The following DIDO1 variants were observed in gnomAD, a reference collection of about 807,000 sequenced individuals.
The protein encoded by DIDO1 is death-inducer obliterator 1.
In DIDO1, 16 loss-of-function variants were observed where a neutral mutation model predicts 99.4. The observed-to-expected ratio is 0.16, with a 90% confidence interval of 0.11 to 0.24. The LOEUF (loss-of-function observed/expected upper bound fraction) is 0.24. DIDO1 is among the 10% of genes least tolerant of loss of function. DIDO1 has a pLI of 1.00. For missense variants in DIDO1, 2,996 were observed against 3,014.0 expected (o/e 0.99, Z 0.14); for synonymous variants, 1,366 against 1,239.1 (o/e 1.10, Z -2.15).
intron 4 of DIDO1, among the ~76,000 whole-genome samples, chr20:62,908,600 C>CA (rs1334175233): frequency 6.6e-6 from 1 of 152,182 alleles, no homozygotes; most frequent in East Asian, 1.9e-4. Context: ...CCTTATTTCT[C>CA]AAATTAAATA....
upstream of DIDO1, among the ~76,000 whole-genome samples, chr20:62,926,872 G>A (rs1337997012): frequency 1.3e-5 from 2 of 152,246 alleles, no homozygotes; most frequent in South Asian, 2.1e-4. Context: ...GGTGGGGATA[G>A]AAAGCTCCTG....
At chr20:62,910,063 ACAAG>A (rs2064895640) in intron 3 of DIDO1, 43 bp from the exon 4 acceptor site, 12 of 1,574,998 alleles carry the variant, frequency 7.6e-6, no homozygotes, top group Admixed American at 1.7e-5. Context: ...GACGTGAGTG[ACAAG>A]CACTTTTCAA....
At chr20:62,900,875 G>A (rs1044441131) in intron 6 of DIDO1, among the ~76,000 whole-genome samples, 2 of 152,208 alleles carry the variant, frequency 1.3e-5, no homozygotes, top group Non-Finnish European at 2.9e-5. Context: ...AGACTCAACA[G>A]TCAGTGAAGG....
intron 6 of DIDO1, among the ~76,000 whole-genome samples, chr20:62,901,219 A>G (rs1246232641): frequency 6.6e-6 from 1 of 152,238 alleles, no homozygotes; most frequent in African/African-American, 2.4e-5. Context: ...ACGCCCTTGC[A>G]GGGTCCACAG....
intron 15 of DIDO1, chr20:62,890,089 G>A (rs572400965): frequency 2.0e-4 from 199 of 985,632 alleles, no homozygotes; most frequent in African/African-American, 1.0e-4. Context: ...AACACCCGCC[G>A]AGGCCTGGTG....
At chr20:62,915,652 C>G (rs1415287419) in intron 1 of DIDO1, among the ~76,000 whole-genome samples, 1 of 152,042 alleles carries the variant, frequency 6.6e-6, no homozygotes, top group Non-Finnish European at 1.5e-5. Flanking sequence ...CTATGCCCAG[C>G]TAATTTTTGA....
chr20:62,880,874 A>C lies in DIDO1; in HGVS notation c.5082T>G (p.Ala1694=). The change falls in exon 16 of 16, where the codon GCT becomes GCG. Residue 1694 remains alanine, a synonymous_variant. Transcript: ENST00000395343. ...TCPGFASQDK[A]LGSAQYEDPR... is the part of the protein sequence containing the mutation. Reference sequence around the variant, plus strand: ...GGTCCTCATACTGGGCTGAGCCGAGAGCCTTGTCCTGCGACGCGAACCCCG... The same window carrying C: ...GGTCCTCATACTGGGCTGAGCCGAGCGCCTTGTCCTGCGACGCGAACCCCG... The C allele has an allele frequency of 1.9e-6, 3 of 1,612,568 alleles. No individual in the cohort carries two copies. The South Asian group carries it at 3.3e-5, about 18-fold the overall frequency.
At chr20:62,901,844 ATTTTACAAC>A (rs2064690928) in intron 6 of DIDO1, among the ~76,000 whole-genome samples, 1 of 149,958 alleles carries the variant, frequency 6.7e-6, no homozygotes, top group East Asian at 2.0e-4. Flanking sequence ...ACCTAGTATT[ATTTTACAAC>A]TTTATACAAA....
At chr20:62,890,617 G>C (rs1474822320) in intron 15 of DIDO1, 1 of 1,173,922 alleles carries the variant, frequency 8.5e-7, no homozygotes, top group Non-Finnish European at 1.1e-6. Flanking sequence ...CTAGAGGAAA[G>C]AGCAGGGCCG....
chr20:62,909,875 G>A lies in DIDO1; in HGVS notation c.985C>T (p.His329Tyr). ...TCCTGCTGATCTGCCGTTTCTGAAT[G>A]AGTCTCATCCTGCACTTGCAGAATG... ...CTILQVQDET[H>Y]SETADQQEAK... The change falls in exon 4 of 16, where the codon CAT becomes TAT. Residue 329 changes from histidine (H) to tyrosine (Y), a missense_variant. Around this residue, in one of 5 missense-constraint regions of DIDO1, gnomAD observed 898 missense variants for 972.7 expected, o/e 0.92. Coordinates refer to ENST00000395343, the MANE Select transcript of DIDO1 (RefSeq NM_001193369.2). 6.2e-7 allele frequency: 1 copy of A among 1,614,166 alleles called. No homozygotes were observed. The highest frequency in any genetic ancestry group is 1.1e-5 in the South Asian group (1 of 91,076).
In DIDO1 at chr20:62,894,392, C is replaced by T; in HGVS notation, c.2572+21G>A. On this transcript the variant is annotated intron_variant, in intron 11 of 15. Coordinates refer to ENST00000395343, the MANE Select transcript of DIDO1 (RefSeq NM_001193369.2). This position sits in a 1 kb window ranked among gnomAD's most constrained non-coding sequence, Gnocchi z 4.4. ...AAGTTTAGTCTCAGCTCCAAGGCTCCATCCCCTGCACTGTGCTCACCTGTG... is the reference window on the plus strand; with the variant it reads ...AAGTTTAGTCTCAGCTCCAAGGCTCTATCCCCTGCACTGTGCTCACCTGTG... The T allele has an allele frequency of 6.2e-7, 1 of 1,607,264 alleles. No individual in the cohort carries two copies. The highest frequency in any genetic ancestry group is 8.5e-7 in the Non-Finnish European group (1 of 1,178,122).
rs1028961240 is a variant in DIDO1 at position 62,889,277 on chromosome 20, G to A, written c.3541+1683C>T. ...CCCTTGCTGTGGGGAGAATGGAGGC[G>A]CCGCTCCTCTGGTGGCCTCCCTGGG... is the stretch of plus-strand genomic sequence containing the variant. On this transcript the variant is annotated intron_variant, in intron 15 of 15. Transcript: ENST00000395343. 3.6e-5 allele frequency: 35 copies of A among 985,604 alleles called. No homozygotes were observed. The South Asian group carries it at 1.3e-3, about 36-fold the overall frequency. The allele number at this position is 985,604 out of a possible 1,614,324, so 61.1% of individuals were successfully genotyped here.
chr20:62,892,850 T>C lies in DIDO1; in HGVS notation c.3214A>G (p.Lys1072Glu). 2 of 1,614,098 alleles carry C rather than the reference T, an allele frequency of 1.2e-6. No individual in the cohort carries two copies. Among genetic ancestry groups the C allele is most frequent in the Non-Finnish European group, 1.7e-6 (2 of 1,180,004 alleles). ...NMQSVAKFVT[K>E]AYPVSGCFDY... ...AAACACCCAGAGACAGGATACGCCT[T>C]AGTGACAAATTTTGCCACACTCTGC... is the stretch of plus-strand genomic sequence containing the variant. The change falls in exon 13 of 16, where the codon AAG becomes GAG. Residue 1072 changes from lysine to glutamate, a missense_variant. Transcript: ENST00000395343.
chr20:62,889,968 T>C, intron 15 of DIDO1: 3 of 985,460 alleles, frequency 3.0e-6, no homozygotes, highest in East Asian at 1.1e-4. Flanking sequence ...GGGCTGTGCC[T>C]GGGGCGACAG....
Position 62,880,067 on chromosome 20 carries a change from C to G in DIDO1, c.5889G>C (p.Gln1963His), listed in dbSNP as rs2064172615. ...CCCTCTGGTCTTCGAACTGCTGAGG[C>G]TGAATGCCCCTGGGACCTGGCATAA... ...PNFMPGPRGI[Q>H]PQQFEDQRVH... The change falls in exon 16 of 16, where the codon CAG (glutamine) becomes CAC (histidine). Residue 1963 changes from glutamine (Q) to histidine (H), a missense_variant. Gln to His is a conservative substitution (Grantham distance 24). Coordinates refer to ENST00000395343, the MANE Select transcript of DIDO1 (RefSeq NM_001193369.2). 1.9e-6 allele frequency: 3 copies of G among 1,611,786 alleles called. No homozygotes were observed. In the South Asian group the frequency reaches 3.3e-5, roughly 18 times the overall value.
In DIDO1 at chr20:62,881,573, G is replaced by A. The variant is rs762672601; in HGVS notation, c.4383C>T (p.Ala1461=). ...GCGTCGCAGCCCCGGCCACCGGCTC[G>A]GCAGGCCTCTCCACGGAGTTCCTTC... is the stretch of plus-strand genomic sequence containing the variant. The part of the protein sequence containing the change: ...DVRRNSVERP[A]EPVAGAATPS... Residue 1461 remains alanine, a synonymous_variant, in exon 16 of 16, where the codon GCC becomes GCT. Transcript: ENST00000395343. This position sits in a 1 kb window ranked among gnomAD's most constrained non-coding sequence, Gnocchi z 8.3. The A allele has an allele frequency of 1.9e-6, 3 of 1,609,438 alleles. No homozygotes were observed. Among genetic ancestry groups the A allele is most frequent in the African/African-American group, 1.3e-5 (1 of 74,904 alleles).
intron 1 of DIDO1, among the ~76,000 whole-genome samples, chr20:62,923,668 TTTACATAA>T (rs2065198678): frequency 6.6e-6 from 1 of 152,228 alleles, no homozygotes; most frequent in Non-Finnish European, 1.5e-5. Flanking sequence ...ACTTTCTATT[TTTACATAA>T]TGTTTAAGTT....
rs142768525 is a variant in DIDO1 at position 62,893,696 on chromosome 20, T to C, written c.3071A>G (p.Tyr1024Cys). ...ATTTGGTGACGGAGGAACTGACAGG[T>C]ATCTTGGGTCAGGAGATGAGGATGG... ...AKPSSSPDPR[Y>C]LSVPPSPNIS... The change falls in exon 12 of 16, where the codon TAC becomes TGC. Residue 1024 changes from tyrosine to cysteine, a missense_variant. This residue lies in a region of DIDO1 where 898 missense variants were observed against 972.7 expected (regional missense o/e 0.92). Coordinates refer to ENST00000395343, the MANE Select transcript of DIDO1 (RefSeq NM_001193369.2). The C allele has an allele frequency of 3.4e-4, 545 of 1,607,144 alleles. 2 individuals are homozygous for C. The highest frequency in any genetic ancestry group is 4.4e-4 in the Non-Finnish European group (511 of 1,174,192).
intron 12 of DIDO1, among the ~76,000 whole-genome samples, chr20:62,893,205 T>C (rs778239350): frequency 1.3e-5 from 2 of 152,194 alleles, no homozygotes; most frequent in Non-Finnish European, 2.9e-5. Flanking sequence ...TTTGTCTTTT[T>C]TGTAGAGATG....
Sources: allele counts gnomAD v4.1 joint callset (sites outside exome capture counted in the v4.1 genomes callset), GRCh38; gene constraint gnomAD v4.1.1; regional missense constraint gnomAD v4.1.1; non-coding constraint Gnocchi (gnomAD v3.1); transcripts MANE v1.5; gene names NCBI Gene and HGNC (gene_info 2026-07-23, HGNC 2026-07-21).